Variants in PACSIN1 observed in about 807,000 individuals in gnomAD.
PACSIN1 encodes protein kinase C and casein kinase substrate in neurons protein 1.
Under a neutral mutation model 59.5 loss-of-function variants are expected in PACSIN1, and 15 were observed. The ratio of observed to expected loss-of-function variants is 0.25; its 90% CI spans 0.17 to 0.39. The LOEUF is 0.39. Among genes scored for constraint, PACSIN1 ranks in the 10% least tolerant of loss-of-function variants. The pLI is 1.00. For synonymous variants in PACSIN1, 210 were observed against 220.6 expected (o/e 0.95, Z 0.42); for missense variants, 420 against 580.2 (o/e 0.72, Z 2.84).
intron 1 of PACSIN1, among the ~76,000 whole-genome samples, chr6:34,493,752 C>T (rs1235051578): frequency 1.6e-5 from 2 of 124,860 alleles, no homozygotes; most frequent in Non-Finnish European, 3.9e-5. Flanking sequence ...AAACCAAATC[C>T]TGGCAGACAC....
intron 1 of PACSIN1, among the ~76,000 whole-genome samples, chr6:34,501,351 G>A (rs1767019992): frequency 6.6e-6 from 1 of 152,220 alleles, no homozygotes; most frequent in African/African-American, 2.4e-5. Context: ...TCCCATGGTG[G>A]TGAAGGGGTT....
At chr6:34,519,073 G>C (rs1481493052) in intron 1 of PACSIN1, among the ~76,000 whole-genome samples, 4 of 152,170 alleles carry the variant, frequency 2.6e-5, no homozygotes, top group Non-Finnish European at 1.5e-5. Context: ...CACAGGGGTG[G>C]TGAAGGGTGA....
chr6:34,495,750 G>C (rs1232142045), intron 1 of PACSIN1, among the ~76,000 whole-genome samples: 1 of 152,202 alleles, frequency 6.6e-6, no homozygotes, highest in Non-Finnish European at 1.5e-5. Context: ...ACCGTGCCCA[G>C]CCAGGAATGT....
chr6:34,510,058 A>G (rs1009294401), intron 1 of PACSIN1, among the ~76,000 whole-genome samples: 1 of 152,246 alleles, frequency 6.6e-6, no homozygotes, highest in Admixed American at 6.5e-5. Flanking sequence ...AAACTACCTC[A>G]ACTATATGCA....
chr6:34,474,523 C>G (rs6938948), intron 1 of PACSIN1, among the ~76,000 whole-genome samples: 2 of 152,188 alleles, frequency 1.3e-5, no homozygotes, highest in African/African-American at 4.8e-5. Context: ...GATGCAGTGG[C>G]TCACACCTGT....
chr6:34,495,223 G>A lies in PACSIN1; in HGVS notation c.-64+28953G>A, dbSNP rs117192742. ...CATCTCTTCCCTTAACTCTCCCAGT[G>A]GTTATTTAGATGTGCAAAAGGAGCT... On this transcript the variant is annotated intron_variant, in intron 1 of 9. Transcript: ENST00000244458. Among the ~76,000 whole-genome samples the A allele has an allele frequency of 6.6e-5, 10 of 152,232 alleles. No individual in the cohort carries two copies. In the East Asian group the frequency reaches 1.2e-3, roughly 18 times the overall value.
chr6:34,470,503 A>G (rs1021590811), intron 1 of PACSIN1, among the ~76,000 whole-genome samples: 1 of 150,712 alleles, frequency 6.6e-6, no homozygotes, highest in African/African-American at 2.4e-5. Flanking sequence ...TTTTAAAATC[A>G]CTCGATATTG....
intron 1 of PACSIN1, among the ~76,000 whole-genome samples, chr6:34,510,655 T>C (rs1256063666): frequency 6.6e-6 from 1 of 152,222 alleles, no homozygotes; most frequent in East Asian, 1.9e-4. Context: ...AAATGTCATC[T>C]CTTCAAAGGA....
intron 1 of PACSIN1, among the ~76,000 whole-genome samples, chr6:34,493,285 T>C (rs1258944668): frequency 2.6e-5 from 4 of 152,196 alleles, no homozygotes; most frequent in Non-Finnish European, 4.4e-5. Flanking sequence ...GGGCATAACA[T>C]TGTACACAGT....
Position 34,532,601 on chromosome 6 carries a change from C to T in PACSIN1, c.*71C>T. On this transcript the variant is annotated 3_prime_UTR_variant, in exon 10 of 10. Coordinates refer to ENST00000244458, the MANE Select transcript of PACSIN1 (RefSeq NM_020804.5). The surrounding 1 kb of genome is among the most constrained non-coding windows in gnomAD (Gnocchi z 5.2). ...CCTCCCCTCCCACTCTCGTCTCCTT[C>T]CCCTCGCCATAGAGTTCCAGACATA... The T allele has an allele frequency of 1.3e-6, 1 of 799,402 alleles. No homozygotes were observed. The highest frequency in any genetic ancestry group is 2.6e-5 in the Admixed American group (1 of 38,308). The allele number at this position is 799,402 out of a possible 1,614,324, so 49.5% of individuals were successfully genotyped here.
chr6:34,468,025 T>C (rs1460281424), intron 1 of PACSIN1, among the ~76,000 whole-genome samples: 1 of 151,606 alleles, frequency 6.6e-6, no homozygotes, highest in African/African-American at 2.4e-5. Flanking sequence ...GGCCGCTGGG[T>C]TGGCACTTTC....
At position 34,527,347 on chromosome 6, in the gene PACSIN1, C is replaced by G; in HGVS notation, c.79C>G (p.Arg27Gly). 1 of 1,583,906 alleles carries G rather than the reference C, an allele frequency of 6.3e-7. No homozygotes were observed. Among genetic ancestry groups the G allele is most frequent in the Non-Finnish European group, 8.6e-7 (1 of 1,165,810 alleles). The change falls in exon 3 of 10, where the codon CGG (arginine) becomes GGG (glycine). Residue 27 changes from arginine to glycine, a missense_variant. By Grantham distance (125) the Arg-to-Gly change is moderately radical. Transcript: ENST00000244458. ...DSFWEVGNYKRTVKRIDDGHR... is the reference protein window; with the variant it reads ...DSFWEVGNYKGTVKRIDDGHR... ...TGGCCGCCAGGTGGGGAACTACAAG[C>G]GGACCGTGAAGCGCATCGATGACGG... is the stretch of plus-strand genomic sequence containing the variant.
At chr6:34,526,009 T>C (rs1041722476) in intron 1 of PACSIN1, among the ~76,000 whole-genome samples, 1 of 150,998 alleles carries the variant, frequency 6.6e-6, no homozygotes, top group African/African-American at 2.4e-5. Context: ...TCATACTGGA[T>C]AGAGGATGGA....
chr6:34,512,993 A>C (rs1462471953), intron 1 of PACSIN1, among the ~76,000 whole-genome samples: 1 of 152,180 alleles, frequency 6.6e-6, no homozygotes, highest in Non-Finnish European at 1.5e-5. Flanking sequence ...CAAAGACTGC[A>C]GGAGAGCCCT....
At chr6:34,483,810 C>T (rs981651277) in intron 1 of PACSIN1, among the ~76,000 whole-genome samples, 30 of 152,004 alleles carry the variant, frequency 2.0e-4, no homozygotes, top group Admixed American at 1.0e-3. Flanking sequence ...CCACCATGCC[C>T]GGCTAATTTT....
Position 34,531,561 on chromosome 6 carries a change from G to A in PACSIN1, c.1038-39G>A, listed in dbSNP as rs1274690302. Reference sequence around the variant, plus strand: ...GCGGTTAGCCCTCGGGATGCGGTACGGGGAGACATTGAAGCTGGCTCCTTC... The same window carrying A: ...GCGGTTAGCCCTCGGGATGCGGTACAGGGAGACATTGAAGCTGGCTCCTTC... On this transcript the variant is annotated intron_variant, in intron 8 of 9. Transcript: ENST00000244458. This position sits in a 1 kb window ranked among gnomAD's most constrained non-coding sequence, Gnocchi z 4.4. 6 of 1,602,656 alleles carry A rather than the reference G, an allele frequency of 3.7e-6. No homozygotes were observed. Among genetic ancestry groups the A allele is most frequent in the South Asian group, 3.3e-5 (3 of 90,448 alleles).
chr6:34,475,921 T>C (rs1766633084), intron 1 of PACSIN1, among the ~76,000 whole-genome samples: 1 of 152,188 alleles, frequency 6.6e-6, no homozygotes, highest in Non-Finnish European at 1.5e-5. Flanking sequence ...AGATTTAAGC[T>C]CAAATTCTTA....
intron 1 of PACSIN1, among the ~76,000 whole-genome samples, chr6:34,511,227 C>A (rs1208855171): frequency 1.3e-5 from 2 of 152,184 alleles, no homozygotes; most frequent in Non-Finnish European, 2.9e-5. Context: ...GTATTGACAC[C>A]AGCTTCATTT....
intron 1 of PACSIN1, among the ~76,000 whole-genome samples, chr6:34,523,826 A>G (rs1767438260): frequency 2.0e-5 from 3 of 152,202 alleles, no homozygotes; most frequent in Admixed American, 6.5e-5. Flanking sequence ...GTCTAGCCAC[A>G]TGATACGGGG....
Sources: gnomAD v4.1 joint callset for allele counts (sites outside exome capture counted in the v4.1 genomes callset) on GRCh38, gnomAD v4.1.1 for gene constraint, Gnocchi (gnomAD v3.1) non-coding constraint, MANE v1.5 for transcripts, NCBI Gene and HGNC (gene_info 2026-07-23, HGNC 2026-07-21) for gene names.